The following RBFOX1 variants were observed in gnomAD, a reference collection of about 807,000 sequenced individuals.
RBFOX1 encodes the protein RNA binding fox-1 homolog 1.
In RBFOX1, 8 loss-of-function variants were observed where a neutral mutation model predicts 57.7. That is an observed-to-expected ratio of 0.14 (90% CI 0.08 to 0.25). RBFOX1 has a LOEUF of 0.25. Ranked by LOEUF, RBFOX1 falls within the 10% of genes least tolerant of loss-of-function variation. The probability of loss-of-function intolerance (pLI) is 1.00; values close to 1 mark genes in which losing one functional copy is unlikely to be tolerated. For synonymous variants in RBFOX1, 326 were observed against 222.4 expected (o/e 1.47, Z -4.15); for missense variants, 611 against 548.5 (o/e 1.11, Z -1.14).
intron 5 of RBFOX1, among the ~76,000 whole-genome samples, chr16:7,565,003 C>G (rs570448208): frequency 6.6e-6 from 1 of 152,272 alleles, no homozygotes; most frequent in African/African-American, 2.4e-5. Flanking sequence ...GCATTAACTA[C>G]ATCCAAAGCT....
intron 1 of RBFOX1, among the ~76,000 whole-genome samples, chr16:5,252,991 G>A (rs1249783683): frequency 6.6e-6 from 1 of 152,158 alleles, no homozygotes; most frequent in Admixed American, 6.6e-5. Context: ...TGGATCCACC[G>A]CCGGTGTGCC....
chr16:7,676,884 T>G, intron 14 of RBFOX1, 46 bp downstream of exon 14: 2 of 1,529,788 alleles, frequency 1.3e-6, no homozygotes, highest in South Asian at 2.2e-5. Context: ...GTAAATTAAC[T>G]TAGTTGATGG....
At chr16:5,751,396 A>G (rs2053196617) in intron 3 of RBFOX1, among the ~76,000 whole-genome samples, 1 of 152,162 alleles carries the variant, frequency 6.6e-6, no homozygotes, top group African/African-American at 2.4e-5. Context: ...GTCTCTTGAC[A>G]TCTCTGTGAA....
chr16:6,900,664 A>G lies in RBFOX1; in HGVS notation c.-15-151393A>G, dbSNP rs150233408. ...ATTCTACCCTTCTTGACCTCGTCCC[A>G]CCAACATCACTATTCATTCTTCTGG... On this transcript the variant is annotated intron_variant, in intron 3 of 15. Transcript: ENST00000550418. Among the ~76,000 whole-genome samples, 486 of 152,276 alleles carry G rather than the reference A, an allele frequency of 3.2e-3. 3 individuals carry two copies. The highest frequency in any genetic ancestry group is 0.011 in the African/African-American group (473 of 41,550).
chr16:6,672,567 A>G (rs1480615417), intron 3 of RBFOX1, among the ~76,000 whole-genome samples: 16 of 151,882 alleles, frequency 1.1e-4, no homozygotes, highest in Admixed American at 1.0e-3. Context: ...GAAAAGAAAG[A>G]GAAGAAATTC....
rs143113086 is a variant in RBFOX1 at position 5,507,731 on chromosome 16, C to T, written c.258+40477C>T. On this transcript the variant is annotated intron_variant, in intron 2 of 2. Transcript: ENST00000585867. Reference sequence around the variant, plus strand: ...AAAAGATGAACTTTGGAAACAGACACACACAGAGGAAAAAGGCCATGTGAA... The same window carrying T: ...AAAAGATGAACTTTGGAAACAGACATACACAGAGGAAAAAGGCCATGTGAA... Among the ~76,000 whole-genome samples the T allele has an allele frequency of 1.4e-4, 21 of 152,232 alleles. No homozygotes were observed. The East Asian group carries it at 4.1e-3, about 29-fold the overall frequency.
chr16:7,052,577 G>A (rs1048386309), intron 4 of RBFOX1, among the ~76,000 whole-genome samples: 1 of 152,106 alleles, frequency 6.6e-6, no homozygotes, highest in African/African-American at 2.4e-5. Context: ...AGTGACATTT[G>A]TGTATATGGG....
At chr16:6,867,663 G>C (rs1319138617) in intron 3 of RBFOX1, among the ~76,000 whole-genome samples, 1 of 152,166 alleles carries the variant, frequency 6.6e-6, no homozygotes, top group Non-Finnish European at 1.5e-5. Flanking sequence ...AGGTTGCAGT[G>C]AGTGCCGAGA....
chr16:7,562,321 C>G (rs1301283175), intron 5 of RBFOX1, among the ~76,000 whole-genome samples: 1 of 152,126 alleles, frequency 6.6e-6, no homozygotes, highest in Non-Finnish European at 1.5e-5. Context: ...AGGGTACCTG[C>G]CGCCTGTTCC....
chr16:6,585,757 C>A (rs1432515176), intron 2 of RBFOX1, among the ~76,000 whole-genome samples: 1 of 149,746 alleles, frequency 6.7e-6, no homozygotes, highest in Non-Finnish European at 1.5e-5. Flanking sequence ...CTTTGCTGGT[C>A]ATCACAGCAA....
chr16:7,641,109 GAAGGGAGAGGCTGAATCC>G (rs1465982373), intron 11 of RBFOX1, among the ~76,000 whole-genome samples: 1 of 152,176 alleles, frequency 6.6e-6, no homozygotes, highest in African/African-American at 2.4e-5. Context: ...AACAGCTTAG[GAAGGGAGAGGCTGAATCC>G]AAGGGCACTC....
At chr16:6,666,801 T>G (rs984796683) in intron 3 of RBFOX1, among the ~76,000 whole-genome samples, 2 of 152,144 alleles carry the variant, frequency 1.3e-5, no homozygotes, top group Admixed American at 6.5e-5. Context: ...TGGCCACTGC[T>G]AAATGTCATC....
intron 1 of RBFOX1, among the ~76,000 whole-genome samples, chr16:5,282,862 T>G (rs1567276180): frequency 6.6e-6 from 1 of 152,162 alleles, no homozygotes; most frequent in Non-Finnish European, 1.5e-5. Context: ...AGAAATTTGT[T>G]TAAGTAATGA....
intron 3 of RBFOX1, among the ~76,000 whole-genome samples, chr16:6,838,123 C>T (rs956008998): frequency 6.6e-6 from 1 of 151,816 alleles, no homozygotes; most frequent in Non-Finnish European, 1.5e-5. Flanking sequence ...AACCTGTTGT[C>T]TAGGTTTAAA....
At chr16:6,565,392 G>C (rs2097249674) in intron 2 of RBFOX1, among the ~76,000 whole-genome samples, 1 of 152,080 alleles carries the variant, frequency 6.6e-6, no homozygotes, top group East Asian at 1.9e-4. Context: ...CAAGTAGCTG[G>C]AACTACAGGC....
chr16:6,473,481 C>T (rs802698), intron 2 of RBFOX1, among the ~76,000 whole-genome samples: 56,245 of 151,964 alleles, frequency 0.37, 11,449 homozygotes, highest in South Asian at 0.6. Flanking sequence ...TCTGTCATCT[C>T]CTTGTTTCTT....
intron 14 of RBFOX1, among the ~76,000 whole-genome samples, chr16:7,707,448 T>C (rs191145458): frequency 6.6e-6 from 1 of 152,274 alleles, no homozygotes; most frequent in East Asian, 1.9e-4. Context: ...CTCTAAGGGA[T>C]GAGAGACGAG....
intron 1 of RBFOX1, among the ~76,000 whole-genome samples, chr16:5,308,567 C>G (rs982784256): frequency 6.6e-6 from 1 of 152,156 alleles, no homozygotes; most frequent in East Asian, 1.9e-4. Context: ...TCTCCCCTTC[C>G]TTTAACCTCA....
At chr16:6,077,790 C>T (rs979892784) in intron 1 of RBFOX1, among the ~76,000 whole-genome samples, 1 of 151,764 alleles carries the variant, frequency 6.6e-6, no homozygotes. Flanking sequence ...AGTCATAGCT[C>T]ACTGCAGCCT....
Sources: gnomAD v4.1 joint callset for allele counts (sites outside exome capture counted in the v4.1 genomes callset) on GRCh38, gnomAD v4.1.1 for gene constraint, MANE v1.5 for transcripts, NCBI Gene and HGNC (gene_info 2026-07-23, HGNC 2026-07-21) for gene names.